LYST: variants seen among roughly 807,000 people sequenced by gnomAD.
LYST encodes lysosomal trafficking regulator, also known as lysosomal-trafficking regulator.
A neutral mutation model predicts 413.6 loss-of-function variants in LYST; 192 were observed. The ratio of observed to expected loss-of-function variants is 0.46; its 90% CI spans 0.41 to 0.52. LYST has a LOEUF of 0.52. LYST is among the 20% of genes least tolerant of loss of function. LYST has a pLI of 0.00. For missense variants in LYST, 3,815 were observed against 4,499.9 expected (o/e 0.85, Z 4.35); for synonymous variants, 1,525 against 1,567.3 (o/e 0.97, Z 0.64).
At chr1:235,730,758 T>C (rs944786959) in intron 36 of LYST, 89 bp downstream of exon 36, 10 of 969,706 alleles carry the variant, frequency 1.0e-5, no homozygotes, top group Non-Finnish European at 1.7e-5. Flanking sequence ...CTGAAAATGA[T>C]GGCATTATAT....
intron 40 of LYST, among the ~76,000 whole-genome samples, chr1:235,719,648 T>C (rs971730748): frequency 3.1e-5 from 4 of 130,996 alleles, no homozygotes; most frequent in African/African-American, 1.2e-4. Context: ...AAAAGGAAAA[T>C]ATATATAAAG....
intron 2 of LYST, among the ~76,000 whole-genome samples, chr1:235,830,672 C>T (rs1306895133): frequency 1.3e-5 from 2 of 152,140 alleles, no homozygotes; most frequent in African/African-American, 4.8e-5. Flanking sequence ...AGGTAAGTAA[C>T]AGCACCTGGA....
At chr1:235,797,396 A>G (rs982191616) in intron 10 of LYST, among the ~76,000 whole-genome samples, 7 of 152,346 alleles carry the variant, frequency 4.6e-5, no homozygotes, top group Non-Finnish European at 8.8e-5. Flanking sequence ...TCATGTTGAC[A>G]ATATGTACCC....
At chr1:235,842,663 G>C (rs1677350118) in intron 1 of LYST, among the ~76,000 whole-genome samples, 1 of 152,052 alleles carries the variant, frequency 6.6e-6, no homozygotes, top group African/African-American at 2.4e-5. Flanking sequence ...TAAGCCCCTC[G>C]TAGTCAAGTT....
At chr1:235,839,547 A>C (rs1025482305) in intron 1 of LYST, 1 of 151,968 alleles carries the variant, frequency 6.6e-6, no homozygotes, top group African/African-American at 2.4e-5. Context: ...TAATCTCAGC[A>C]CTTTGGGAGG....
At chr1:235,783,998 G>A (rs537503276) in intron 14 of LYST, among the ~76,000 whole-genome samples, 2 of 152,006 alleles carry the variant, frequency 1.3e-5, no homozygotes, top group South Asian at 4.2e-4. Flanking sequence ...TCCTGCCTCA[G>A]TGTCCCGAAT....
intron 3 of LYST, among the ~76,000 whole-genome samples, chr1:235,819,297 T>C (rs1674498132): frequency 6.6e-6 from 1 of 152,212 alleles, no homozygotes; most frequent in Non-Finnish European, 1.5e-5. Context: ...GTATCATTTA[T>C]TCCCAGATTT....
Position 235,782,056 on chromosome 1 carries a change from G to C in LYST, c.4894C>G (p.Pro1632Ala). ...KPDVTLDFML[P>A]RKTSLSSDSN... is the part of the protein sequence containing the mutation. ...TCAGATGACAAACTTGTTTTTCTTG[G>C]AAGCATAAAATCCAAAGTAACATCA... The change falls in exon 15 of 53, where the codon CCA becomes GCA. Residue 1632 changes from proline (P) to alanine (A), a missense_variant. Pro to Ala is a conservative substitution (Grantham distance 27). This residue lies in a region of LYST where 530 missense variants were observed against 696.5 expected (regional missense o/e 0.76). Transcript: ENST00000389793. 1 of 1,612,912 alleles carries C rather than the reference G, an allele frequency of 6.2e-7. No individual in the cohort carries two copies. The highest frequency in any genetic ancestry group is 1.1e-5 in the South Asian group (1 of 91,058).
In LYST at chr1:235,751,995, T is replaced by G. The variant is rs1268530235; in HGVS notation, c.7627+10A>C. The stretch of plus-strand genomic sequence containing the variant: ...ACTCCCTCCCCAAATTCATAAAAAT[T>G]AAATCTTACTTTGTGTCCTCTTGTT... On this transcript the variant is annotated intron_variant, in intron 27 of 52. Transcript: ENST00000389793. 6.3e-7 allele frequency: 1 copy of G among 1,597,432 alleles called. No individual in the cohort carries two copies. The highest frequency in any genetic ancestry group is 8.6e-7 in the Non-Finnish European group (1 of 1,167,018).
chr1:235,775,276 A>G (rs551956830), intron 17 of LYST, among the ~76,000 whole-genome samples, 190 bp from the exon 18 acceptor site: 9 of 152,294 alleles, frequency 5.9e-5, no homozygotes, highest in Admixed American at 5.9e-4. Context: ...TCCATGTTCT[A>G]TAGTCTCTTA....
intron 1 of LYST, among the ~76,000 whole-genome samples, chr1:235,843,981 CA>C: frequency 6.6e-6 from 1 of 151,914 alleles, no homozygotes; most frequent in Non-Finnish European, 1.5e-5. Flanking sequence ...GACTTTTTTT[CA>C]AAAATGTTAT....
chr1:235,805,222 T>C (rs1672682135), intron 6 of LYST, among the ~76,000 whole-genome samples: 1 of 152,194 alleles, frequency 6.6e-6, no homozygotes, highest in Non-Finnish European at 1.5e-5. Flanking sequence ...GAGAAGAATC[T>C]GGACAAAGAT....
At chr1:235,724,919 T>C (rs1290037933) in intron 38 of LYST, among the ~76,000 whole-genome samples, 1 of 152,204 alleles carries the variant, frequency 6.6e-6, no homozygotes, top group Non-Finnish European at 1.5e-5. Flanking sequence ...CAGGGAGTGA[T>C]ACTCTGGTTG....
At chr1:235,800,444 C>T (rs924457676) in intron 9 of LYST, 58 bp from the exon 10 acceptor site, 1 of 932,046 alleles carries the variant, frequency 1.1e-6, no homozygotes, top group East Asian at 2.4e-5. Flanking sequence ...CATGAAACAA[C>T]TGCAATGTCA....
intron 30 of LYST, among the ~76,000 whole-genome samples, chr1:235,743,138 G>A (rs1289076274): frequency 6.6e-6 from 1 of 152,120 alleles, no homozygotes; most frequent in Non-Finnish European, 1.5e-5. Flanking sequence ...TACTCTATGG[G>A]TTTACCATAG....
chr1:235,858,118 T>G (rs1486796570), intron 1 of LYST, among the ~76,000 whole-genome samples: 1 of 152,196 alleles, frequency 6.6e-6, no homozygotes, highest in East Asian at 1.9e-4. Flanking sequence ...CAAGACTTAA[T>G]GCTCTTTGCC....
intron 1 of LYST, among the ~76,000 whole-genome samples, chr1:235,873,010 T>A (rs1332313169): frequency 3.3e-5 from 5 of 152,176 alleles, no homozygotes; most frequent in Non-Finnish European, 7.3e-5. Context: ...ATGGCTTGCC[T>A]TAGAGTTTCC....
intron 40 of LYST, among the ~76,000 whole-genome samples, chr1:235,718,430 C>T: frequency 6.6e-6 from 1 of 151,872 alleles, no homozygotes; most frequent in East Asian, 1.9e-4. Flanking sequence ...GCAACCTCCG[C>T]CTCCCAAGTT....
chr1:235,730,035 T>C (rs1268068732), intron 36 of LYST, among the ~76,000 whole-genome samples: 1 of 151,802 alleles, frequency 6.6e-6, no homozygotes, highest in Non-Finnish European at 1.5e-5. Flanking sequence ...TTTTGTATTA[T>C]TTATTTGTTA....
Sources: gnomAD v4.1 joint callset for allele counts (sites outside exome capture counted in the v4.1 genomes callset) on GRCh38, gnomAD v4.1.1 for gene constraint, gnomAD v4.1.1 regional missense constraint, MANE v1.5 for transcripts, NCBI Gene and HGNC (gene_info 2026-07-23, HGNC 2026-07-21) for gene names.